The following DAPK2 variants were observed in gnomAD, a reference collection of about 807,000 sequenced individuals.
DAPK2 encodes death associated protein kinase 2, also known as death-associated protein kinase 2.
A neutral mutation model predicts 44.1 loss-of-function variants in DAPK2; 35 were observed. The observed-to-expected ratio is 0.79, with a 90% confidence interval of 0.61 to 1.05. The LOEUF is 1.05. DAPK2 is among the 50% of genes least tolerant of loss of function. The probability of loss-of-function intolerance (pLI) is 0.00; values close to 1 mark genes in which losing one functional copy is unlikely to be tolerated. For missense variants in DAPK2, 453 were observed against 483.2 expected (o/e 0.94, Z 0.59); for synonymous variants, 174 against 182.6 (o/e 0.95, Z 0.38).
At chr15:64,046,346 A>ACGGCGGGAACGGGGGAC (rs2080465284), upstream of DAPK2, 1 of 183,016 alleles carries the variant, frequency 5.5e-6, no homozygotes, top group Non-Finnish European at 7.3e-6. This position sits in a 1 kb window ranked among gnomAD's most constrained non-coding sequence, Gnocchi z 5.3. Context: ...GCGCGGCGGG[A>ACGGCGGGAACGGGGGAC]GCGGCGGGCG....
At chr15:63,971,454 T>C in exon 3 of DAPK2, 1 of 1,614,220 alleles carries the variant, frequency 6.2e-7, no homozygotes, top group Non-Finnish European at 8.5e-7. Context: ...TTTCTTTGTG[T>C]GAAGGTAGTT....
intron 6 of DAPK2, among the ~76,000 whole-genome samples, chr15:63,929,278 G>A (rs2079436201): frequency 6.6e-6 from 1 of 152,056 alleles, no homozygotes; most frequent in Non-Finnish European, 1.5e-5. Context: ...GAGCAGGGGA[G>A]CCCTGGCATT....
rs546407281 is a variant in DAPK2 at position 64,009,747 on chromosome 15, G to A, written c.93-25993C>T. Among the ~76,000 whole-genome samples the A allele has an allele frequency of 3.4e-4, 51 of 152,090 alleles. 1 individual carries two copies. The South Asian group carries it at 0.01, about 30-fold the overall frequency. ...CTCTTTATGCTCATTTCTTTACTGT[G>A]TTTGCCTTTCCCCCCGCCCCTAAAT... On this transcript the variant is annotated intron_variant, in intron 1 of 10. Coordinates refer to ENST00000261891, the Ensembl canonical transcript of DAPK2.
intron 3 of DAPK2, among the ~76,000 whole-genome samples, chr15:63,959,286 C>T (rs1047988714): frequency 9.2e-5 from 14 of 152,286 alleles, no homozygotes; most frequent in East Asian, 1.9e-4. Flanking sequence ...AATATACAAT[C>T]GTATCATCTG....
chr15:64,005,428 T>C (rs756860098), intron 1 of DAPK2, among the ~76,000 whole-genome samples: 1 of 151,212 alleles, frequency 6.6e-6, no homozygotes, highest in Non-Finnish European at 1.5e-5. Context: ...AAGTCATAGA[T>C]GCCAGCCCAA....
At chr15:64,003,413 C>T (rs1422935389) in intron 1 of DAPK2, among the ~76,000 whole-genome samples, 10 of 152,244 alleles carry the variant, frequency 6.6e-5, no homozygotes, top group Admixed American at 6.5e-4. Flanking sequence ...GACCTAGACA[C>T]ACTTTGCAGA....
At chr15:64,028,630 G>C (rs561518361) in intron 1 of DAPK2, among the ~76,000 whole-genome samples, 1 of 152,326 alleles carries the variant, frequency 6.6e-6, no homozygotes, top group African/African-American at 2.4e-5. Context: ...AGTTATGAAA[G>C]AGAACGTCCA....
chr15:64,046,482 C>T (rs1310359837), upstream of DAPK2: 1 of 173,738 alleles, frequency 5.8e-6, no homozygotes, highest in African/African-American at 2.4e-5. The surrounding 1 kb of genome is among the most constrained non-coding windows in gnomAD (Gnocchi z 5.3). Flanking sequence ...GCCTAGGAGC[C>T]GAGGGGGCGG....
At chr15:63,909,358 G>A (rs1345990715) in intron 10 of DAPK2, 3 of 144,424 alleles carry the variant, frequency 2.1e-5, no homozygotes, top group African/African-American at 7.8e-5. Flanking sequence ...TTTAAGGAAA[G>A]TCCCTTTGGG....
intron 2 of DAPK2, among the ~76,000 whole-genome samples, chr15:63,978,670 G>C (rs1476838106): frequency 6.6e-6 from 1 of 152,138 alleles, no homozygotes; most frequent in Non-Finnish European, 1.5e-5. Context: ...CCAAACCAAG[G>C]AGCCTGAGTG....
chr15:63,986,186 C>A (rs920519969), intron 1 of DAPK2, among the ~76,000 whole-genome samples: 1 of 152,228 alleles, frequency 6.6e-6, no homozygotes, highest in Admixed American at 6.5e-5. Flanking sequence ...AGCCCCCAGG[C>A]TTCAAGATCA....
chr15:63,927,651 G>C (rs184249545), intron 6 of DAPK2, among the ~76,000 whole-genome samples: 1 of 152,210 alleles, frequency 6.6e-6, no homozygotes, highest in Admixed American at 6.5e-5. Context: ...CTAGTGCCTG[G>C]TACAGTGCCT....
chr15:64,013,455 C>T lies in DAPK2; in HGVS notation c.92+26715G>A, dbSNP rs58831844. 0.026 allele frequency among the ~76,000 whole-genome samples: 4,004 copies of T among 152,236 alleles called. 182 individuals carry two copies. The highest frequency in any genetic ancestry group is 0.093 in the African/African-American group (3,845 of 41,508). ...CAGAAAAGTGAAACCAGGAGAGAAGCTTTCAACAGCTATGTCTCTGATTAC... is the reference window on the plus strand; with the variant it reads ...CAGAAAAGTGAAACCAGGAGAGAAGTTTTCAACAGCTATGTCTCTGATTAC... On this transcript the variant is annotated intron_variant, in intron 1 of 10. Coordinates refer to ENST00000261891, the Ensembl canonical transcript of DAPK2. The surrounding 1 kb of genome is among the most constrained non-coding windows in gnomAD (Gnocchi z 4.7).
rs966172470 is a variant in DAPK2 at position 63,939,273 on chromosome 15, C to G, written c.542G>C (p.Gly181Ala). 6.2e-7 allele frequency: 1 copy of G among 1,614,030 alleles called. No individual in the cohort carries two copies. Among genetic ancestry groups the G allele is most frequent in the Non-Finnish European group, 8.5e-7 (1 of 1,180,014 alleles). Residue 181 changes from glycine (G) to alanine (A), a missense_variant, in exon 4 of 11, where the codon GGA becomes GCA. Transcript: ENST00000261891. The surrounding 1 kb of genome is among the most constrained non-coding windows in gnomAD (Gnocchi z 4.3). Reference sequence around the variant, plus strand: ...CCCAAAAATATTCTTAAATTCAACTCCATCTTCTATTTCGTGAGCCAGACC... The same window carrying G: ...CCCAAAAATATTCTTAAATTCAACTGCATCTTCTATTTCGTGAGCCAGACC...
chr15:63,914,152 C>T (rs1488270221), intron 8 of DAPK2, among the ~76,000 whole-genome samples: 2 of 152,054 alleles, frequency 1.3e-5, no homozygotes, highest in African/African-American at 4.8e-5. Context: ...AGTCACACCA[C>T]CTTGAAAGGG....
chr15:64,002,952 GTGTGTGTGTGTGTC>G (rs1182191676), intron 1 of DAPK2, among the ~76,000 whole-genome samples: 3 of 130,758 alleles, frequency 2.3e-5, no homozygotes, highest in African/African-American at 5.9e-5. Context: ...GTGTGTGTGT[GTGTGTGTGTGTGTC>G]GTGGGACCTG....
chr15:63,925,605 C>A (rs1457264104), intron 7 of DAPK2, among the ~76,000 whole-genome samples: 1 of 151,526 alleles, frequency 6.6e-6, no homozygotes. Context: ...CTTTTCAAAT[C>A]TGAATTCCAG....
Position 63,908,834 on chromosome 15 carries a change from C to T in DAPK2, c.1033-234G>A, listed in dbSNP as rs539913763. ...AAAGCAGCAGGGCATCTAAGGGAAA[C>T]CAGACATCAGGAGAGGCCAAATTAT... On this transcript the variant is annotated intron_variant, in intron 10 of 10. Coordinates refer to ENST00000261891, the Ensembl canonical transcript of DAPK2. The surrounding 1 kb of genome is among the most constrained non-coding windows in gnomAD (Gnocchi z 5.7). 5 of 378,652 alleles carry T rather than the reference C, an allele frequency of 1.3e-5. No homozygotes were observed. In the South Asian group the frequency reaches 2.2e-4, roughly 17 times the overall value. 23.5% of individuals were successfully genotyped at this position (378,652 alleles called of 1,614,324 possible). A position where few individuals can be genotyped will look rare whatever the true frequency, so the allele number is the denominator to read the frequency against.
intron 2 of DAPK2, among the ~76,000 whole-genome samples, chr15:63,971,790 T>A (rs1209813464): frequency 6.6e-6 from 1 of 152,172 alleles, no homozygotes. Flanking sequence ...ACCCTGGAGG[T>A]GTTGTCAGAA....
Sources: gnomAD v4.1 joint callset for allele counts (sites outside exome capture counted in the v4.1 genomes callset) on GRCh38, gnomAD v4.1.1 for gene constraint, Gnocchi (gnomAD v3.1) non-coding constraint, MANE v1.5 for transcripts, NCBI Gene and HGNC (gene_info 2026-07-23, HGNC 2026-07-21) for gene names.